The following LNX2 variants were observed in gnomAD, a reference collection of about 807,000 sequenced individuals.
LNX2 encodes ligand of Numb protein X 2.
In LNX2, 35 loss-of-function variants were observed where a neutral mutation model predicts 66.2. The ratio of observed to expected loss-of-function variants is 0.53; its 90% confidence interval spans 0.40 to 0.70. The LOEUF (loss-of-function observed/expected upper bound fraction) is 0.70. Ranked by LOEUF, LNX2 falls within the 30% of genes least tolerant of loss-of-function variation. The pLI, the probability that LNX2 is intolerant of heterozygous loss-of-function variation, is 0.00. For missense variants in LNX2, 791 were observed against 850.8 expected (o/e 0.93, Z 0.87); for synonymous variants, 337 against 315.6 (o/e 1.07, Z -0.72).
At chr13:27,605,401 A>G (rs527341532) in intron 1 of LNX2, among the ~76,000 whole-genome samples, 1 of 152,322 alleles carries the variant, frequency 6.6e-6, no homozygotes, top group South Asian at 2.1e-4. Flanking sequence ...TATGAGTCCA[A>G]GAATATGACT....
chr13:27,562,814 A>ATAGCACAATAAAAGTG (rs1955153703), intron 4 of LNX2, 33 bp from the exon 5 acceptor site: 1 of 1,574,846 alleles, frequency 6.3e-7, no homozygotes, highest in Non-Finnish European at 8.6e-7. Context: ...GAAGTGTGAC[A>ATAGCACAATAAAAGTG]ACCTTTTATT....
intron 7 of LNX2, among the ~76,000 whole-genome samples, chr13:27,555,000 G>C (rs1955041224): frequency 6.6e-6 from 1 of 152,144 alleles, no homozygotes; most frequent in Non-Finnish European, 1.5e-5. Flanking sequence ...TGCTAGGCTG[G>C]AGTACAGTGG....
At chr13:27,594,875 G>A (rs1955580511) in intron 1 of LNX2, among the ~76,000 whole-genome samples, 1 of 151,934 alleles carries the variant, frequency 6.6e-6, no homozygotes, top group African/African-American at 2.4e-5. Flanking sequence ...GTTATTTGTT[G>A]CACCTACTCT....
At chr13:27,576,948 A>C (rs1361474512) in intron 2 of LNX2, among the ~76,000 whole-genome samples, 1 of 152,200 alleles carries the variant, frequency 6.6e-6, no homozygotes, top group African/African-American at 2.4e-5. Flanking sequence ...ACAACAATGA[A>C]CTTCATAAAA....
chr13:27,601,831 C>T (rs540020164), intron 1 of LNX2, among the ~76,000 whole-genome samples: 19 of 152,106 alleles, frequency 1.2e-4, no homozygotes, highest in Non-Finnish European at 2.2e-4. Context: ...GGATTACAGG[C>T]GTGTTGAACC....
At chr13:27,620,959 T>C (rs1337650380), upstream of LNX2, 1 of 152,696 alleles carries the variant, frequency 6.5e-6, no homozygotes, top group South Asian at 2.1e-4. Context: ...AGAAACGTAG[T>C]TGCGCTGGAC....
At chr13:27,585,466 TA>T (rs890453776) in intron 1 of LNX2, among the ~76,000 whole-genome samples, 282 of 150,424 alleles carry the variant, frequency 1.9e-3, no homozygotes, top group African/African-American at 5.8e-3. Flanking sequence ...ATAAAAATAA[TA>T]AAAAAAAATA....
In LNX2 at chr13:27,559,878, T is replaced by C. The variant is rs750066803; in HGVS notation, c.1332A>G (p.Thr444=). 5 of 1,610,080 alleles carry C rather than the reference T, an allele frequency of 3.1e-6. No individual in the cohort carries two copies. The highest frequency in any genetic ancestry group is 4.2e-6 in the Non-Finnish European group (5 of 1,177,352). The part of the protein sequence containing the change: ...GNHSSSSQHH[T]PPPYYSRPSS... ...TTGGTCTGCTATAATACGGTGGTGG[T>C]GTGTGGTGCTGGCTGCTGCTGCTAT... is the stretch of plus-strand genomic sequence containing the variant. Residue 444 remains threonine (T), a synonymous_variant, in exon 6 of 10, where the codon ACA becomes ACG. Coordinates refer to ENST00000316334, the MANE Select transcript of LNX2 (RefSeq NM_153371.4).
In LNX2 at chr13:27,620,496, T is replaced by TCGCCGCCGC. The variant is rs530368033; in HGVS notation, c.-231_-223dup. ...CTGCCCGGCTCCGCTCCGCCAGGAA[T>TCGCCGCCGC]CGCCGCCGCCGCCGCCGCCGCCGCG... On this transcript the variant is annotated 5_prime_UTR_variant, in exon 1 of 10. Transcript: ENST00000316334. 49 of 171,636 alleles carry TCGCCGCCGC rather than the reference T, an allele frequency of 2.9e-4. 1 individual carries two copies. The highest frequency in any genetic ancestry group is 1.6e-3 in the East Asian group (9 of 5,748). The allele number at this position is 171,636 out of a possible 1,614,324, so 10.6% of individuals were successfully genotyped here.
intron 1 of LNX2, among the ~76,000 whole-genome samples, chr13:27,610,276 T>C: frequency 6.6e-6 from 1 of 152,222 alleles, no homozygotes; most frequent in East Asian, 1.9e-4. Context: ...CAAATTGGTA[T>C]CTTGCAACTA....
chr13:27,595,952 T>C lies in LNX2; in HGVS notation c.-100-14149A>G, dbSNP rs536159133. Reference sequence around the variant, plus strand: ...ATACTCAAACTTATTAGGAACCATATGCTAAGACGAAGCCAACACTGAGGC... The same window carrying C: ...ATACTCAAACTTATTAGGAACCATACGCTAAGACGAAGCCAACACTGAGGC... On this transcript the variant is annotated intron_variant, in intron 1 of 9. Transcript: ENST00000316334. 5.3e-5 allele frequency among the ~76,000 whole-genome samples: 8 copies of C among 152,294 alleles called. No homozygotes were observed. In the South Asian group the frequency reaches 1.4e-3, roughly 28 times the overall value.
At chr13:27,573,627 T>G (rs1260191580) in intron 2 of LNX2, among the ~76,000 whole-genome samples, 1 of 151,982 alleles carries the variant, frequency 6.6e-6, no homozygotes, top group Non-Finnish European at 1.5e-5. Flanking sequence ...GTTGAGGGTG[T>G]GGCATGCCCC....
chr13:27,583,255 T>TGTGTGTGCGC (rs1555268514), intron 1 of LNX2, among the ~76,000 whole-genome samples: 8 of 58,524 alleles, frequency 1.4e-4, no homozygotes, highest in Non-Finnish European at 2.2e-4. Context: ...TGTGTGTGTG[T>TGTGTGTGCGC]GCGCGCGTCC....
chr13:27,569,684 CCTGA>C (rs1223396427), intron 2 of LNX2, among the ~76,000 whole-genome samples: 2 of 152,154 alleles, frequency 1.3e-5, no homozygotes, highest in African/African-American at 4.8e-5. Context: ...GTGGTTGCGT[CCTGA>C]CTTAGACCTT....
intron 1 of LNX2, among the ~76,000 whole-genome samples, chr13:27,608,699 T>TA (rs1192384861): frequency 6.6e-6 from 1 of 152,146 alleles, no homozygotes; most frequent in Admixed American, 6.5e-5. Flanking sequence ...AATTTTAAAT[T>TA]AAATTTAAAA....
chr13:27,591,667 T>C (rs531715785), intron 1 of LNX2, among the ~76,000 whole-genome samples: 1 of 152,262 alleles, frequency 6.6e-6, no homozygotes, highest in East Asian at 1.9e-4. Context: ...TGTTCCAGGG[T>C]TAGGAGTTGA....
intron 4 of LNX2, among the ~76,000 whole-genome samples, chr13:27,564,893 G>A (rs1394438804): frequency 6.6e-6 from 1 of 152,190 alleles, no homozygotes; most frequent in Non-Finnish European, 1.5e-5. Flanking sequence ...TAGTCCATAT[G>A]TGGGAAAGGG....
chr13:27,564,240 T>G (rs1955176491), intron 4 of LNX2, among the ~76,000 whole-genome samples: 1 of 152,162 alleles, frequency 6.6e-6, no homozygotes, highest in Non-Finnish European at 1.5e-5. Context: ...TGGAAAAAGA[T>G]TTTTCCTCCA....
chr13:27,599,333 G>A (rs1486754214), intron 1 of LNX2, among the ~76,000 whole-genome samples: 1 of 152,154 alleles, frequency 6.6e-6, no homozygotes, highest in African/African-American at 2.4e-5. Flanking sequence ...ACCAAAAGGA[G>A]CCTTTGTTTA....
Sources: allele counts gnomAD v4.1 joint callset (sites outside exome capture counted in the v4.1 genomes callset), GRCh38; gene constraint gnomAD v4.1.1; transcripts MANE v1.5; gene names NCBI Gene and HGNC (gene_info 2026-07-23, HGNC 2026-07-21).